MAPK10: variants seen among roughly 807,000 people sequenced by gnomAD.
The protein encoded by MAPK10 is JNK3 alpha protein kinase.
Under a neutral mutation model 59.3 loss-of-function variants are expected in MAPK10, and 25 were observed. That is an observed-to-expected ratio of 0.42 (90% CI 0.31 to 0.59). The LOEUF is 0.59. Among genes scored for constraint, MAPK10 ranks in the 20% least tolerant of loss-of-function variants. The pLI is 0.15. For synonymous variants in MAPK10, 190 were observed against 200.5 expected, an observed-to-expected ratio of 0.95 and a Z score of 0.44; for missense variants, 351 against 568.9, an observed-to-expected ratio of 0.62 and a Z score of 3.90.
In MAPK10 at chr4:86,322,483, T is replaced by C. The variant is rs531728198; in HGVS notation, c.-7+32047A>G. Among the ~76,000 whole-genome samples, 148 of 152,078 alleles carry C rather than the reference T, an allele frequency of 9.7e-4. 1 individual carries two copies. The highest frequency in any genetic ancestry group is 3.1e-3 in the African/African-American group (129 of 41,524). ...AGCAACCCAACCTGAACGATGCCTA[T>C]AAAAAAGTCTAACATCCTTCTGCTC... is the stretch of plus-strand genomic sequence containing the variant. On this transcript the variant is annotated intron_variant, in intron 2 of 13. Coordinates refer to ENST00000641462, the MANE Select transcript of MAPK10 (RefSeq NM_138982.4).
At chr4:86,256,974 G>A (rs1435146659) in intron 2 of MAPK10, among the ~76,000 whole-genome samples, 3 of 126,528 alleles carry the variant, frequency 2.4e-5, no homozygotes, top group East Asian at 2.0e-4. Flanking sequence ...GGATGGTCTC[G>A]ATCTTAACCT....
At chr4:86,452,743 A>G (rs1162159828) in intron 1 of MAPK10, among the ~76,000 whole-genome samples, 3 of 152,222 alleles carry the variant, frequency 2.0e-5, no homozygotes, top group Admixed American at 2.0e-4. Flanking sequence ...AGGAGAGATC[A>G]TGGCGGACGG....
intron 9 of MAPK10, among the ~76,000 whole-genome samples, chr4:86,096,156 C>T (rs146077592): frequency 2.0e-5 from 3 of 151,480 alleles, no homozygotes; most frequent in African/African-American, 7.2e-5. Context: ...TTATAATCTA[C>T]ATTATCTGTA....
chr4:86,467,534 T>TTTGC (rs1210442491), intron 1 of MAPK10, among the ~76,000 whole-genome samples: 2 of 152,104 alleles, frequency 1.3e-5, no homozygotes, highest in African/African-American at 4.8e-5. Flanking sequence ...TGTTTGTTTG[T>TTTGC]TTTTGAGACG....
intron 1 of MAPK10, among the ~76,000 whole-genome samples, chr4:86,513,026 T>A (rs996284825): frequency 6.6e-6 from 1 of 152,198 alleles, no homozygotes; most frequent in Non-Finnish European, 1.5e-5. Context: ...AACCTTCTGC[T>A]GGTAACTTGA....
At chr4:86,021,911 C>T (rs535336862) in intron 13 of MAPK10, among the ~76,000 whole-genome samples, 19 of 152,372 alleles carry the variant, frequency 1.2e-4, no homozygotes, top group African/African-American at 4.6e-4. Flanking sequence ...GTGCGGGGGC[C>T]CGCCAAGCCC....
At chr4:86,306,208 A>G (rs972145865) in intron 2 of MAPK10, among the ~76,000 whole-genome samples, 4 of 152,242 alleles carry the variant, frequency 2.6e-5, no homozygotes, top group Non-Finnish European at 5.9e-5. Context: ...ATGATTTTAA[A>G]AAACTATATG....
chr4:86,421,863 T>C (rs1297052436), intron 1 of MAPK10, among the ~76,000 whole-genome samples: 1 of 152,142 alleles, frequency 6.6e-6, no homozygotes, highest in East Asian at 1.9e-4. Context: ...TTCCTTACCA[T>C]GATTTACAAG....
Position 86,403,917 on chromosome 4 carries a change from T to G in MAPK10, c.-122+49113A>C, listed in dbSNP as rs187726836. Among the ~76,000 whole-genome samples, 7 of 152,190 alleles carry G rather than the reference T, an allele frequency of 4.6e-5. No homozygotes were observed. The East Asian group carries it at 1.2e-3, about 25-fold the overall frequency. On this transcript the variant is annotated intron_variant, in intron 1 of 13. Coordinates refer to the MAPK10 transcript ENST00000361569. ...ACCATATCAGAGCCTTTGCCTAACT[T>G]TTTAATATGAAGCCTGAGTAATCAC... is the stretch of plus-strand genomic sequence containing the variant.
At chr4:86,212,103 T>C (rs2085984400) in intron 2 of MAPK10, among the ~76,000 whole-genome samples, 1 of 152,110 alleles carries the variant, frequency 6.6e-6, no homozygotes, top group Non-Finnish European at 1.5e-5. Flanking sequence ...TGGTAATTGC[T>C]TTAAATGTAA....
chr4:86,547,510 C>T (rs1319113129), intron 1 of MAPK10, among the ~76,000 whole-genome samples: 3 of 152,242 alleles, frequency 2.0e-5, no homozygotes, highest in Admixed American at 6.5e-5. Flanking sequence ...GGGCTCAGGA[C>T]CTGCAGCCCG....
At chr4:86,371,700 T>C (rs1391397146) in intron 1 of MAPK10, among the ~76,000 whole-genome samples, 3 of 151,986 alleles carry the variant, frequency 2.0e-5, no homozygotes, top group African/African-American at 4.8e-5. Flanking sequence ...CTCACTGGGA[T>C]TGGTTACACA....
At chr4:86,049,411 T>G (rs1165492815) in intron 11 of MAPK10, among the ~76,000 whole-genome samples, 3 of 151,910 alleles carry the variant, frequency 2.0e-5, no homozygotes, top group Non-Finnish European at 2.9e-5. Context: ...ATATATCTCA[T>G]AGTGGATTTT....
chr4:86,372,537 A>AAAGG (rs1738944248), intron 1 of MAPK10, among the ~76,000 whole-genome samples: 1 of 69,488 alleles, frequency 1.4e-5, no homozygotes, highest in South Asian at 5.9e-4. Flanking sequence ...AGAAAGAAAG[A>AAAGG]AAGAAAGAAA....
chr4:86,494,775 G>A (rs10031990), intron 1 of MAPK10, among the ~76,000 whole-genome samples: 4,294 of 141,660 alleles, frequency 0.03, 93 homozygotes, highest in Non-Finnish European at 0.043. Context: ...CCTGGGAGGC[G>A]GAGCTTGCAG....
At chr4:86,337,561 T>C (rs989039977) in intron 2 of MAPK10, among the ~76,000 whole-genome samples, 1 of 152,154 alleles carries the variant, frequency 6.6e-6, no homozygotes, top group Non-Finnish European at 1.5e-5. Context: ...ATGGTAGACA[T>C]CTGCACCCAC....
At chr4:86,118,846 C>T (rs2058731357) in intron 4 of MAPK10, among the ~76,000 whole-genome samples, 1 of 152,150 alleles carries the variant, frequency 6.6e-6, no homozygotes, top group African/African-American at 2.4e-5. Context: ...TAAATCATAG[C>T]CTGGCAAACC....
At chr4:86,282,845 A>G (rs79064126) in intron 2 of MAPK10, among the ~76,000 whole-genome samples, 1 of 152,164 alleles carries the variant, frequency 6.6e-6, no homozygotes, top group Non-Finnish European at 1.5e-5. Flanking sequence ...TATGGAATCA[A>G]AGTCTAGGCA....
chr4:86,216,295 CAT>C (rs10639041), intron 2 of MAPK10, among the ~76,000 whole-genome samples: 23,558 of 130,804 alleles, frequency 0.18, 1,922 homozygotes, highest in Non-Finnish European at 0.19. Context: ...ATATATATAG[CAT>C]ATATATATAT....
Sources: gnomAD v4.1 joint callset for allele counts (sites outside exome capture counted in the v4.1 genomes callset) on GRCh38, gnomAD v4.1.1 for gene constraint, MANE v1.5 for transcripts, NCBI Gene and HGNC (gene_info 2026-07-23, HGNC 2026-07-21) for gene names.